Variants in CXorf65 observed in about 807,000 individuals in gnomAD.
CXorf65 encodes the protein uncharacterized protein CXorf65.
For missense variants in CXorf65, 137 were observed against 144.7 expected (o/e 0.95, Z 0.27); for synonymous variants, 54 against 51.4 (o/e 1.05, Z -0.21).
chrX:71,106,231 C>T, intron 2 of CXorf65, 94 bp from the exon 3 acceptor site: 1 of 1,111,020 alleles, frequency 9.0e-7, no homozygotes, highest in South Asian at 1.9e-5. Flanking sequence ...TTGGAGGAAG[C>T]TCTAAGGATA....
chrX:71,104,446 G>T, intron 4 of CXorf65, 42 bp from the exon 5 acceptor site: 4 of 904,346 alleles, frequency 4.4e-6, no homozygotes, highest in South Asian at 2.4e-5. Flanking sequence ...GAGAACTAGA[G>T]ACCTTACCCT....
chrX:71,104,781 G>T lies in CXorf65; in HGVS notation c.307C>A (p.Pro103Thr), dbSNP rs1268214222. The T allele has an allele frequency of 1.7e-6, 2 of 1,207,482 alleles. No individual in the cohort carries two copies. The highest frequency in any genetic ancestry group is 2.2e-6 in the Non-Finnish European group (2 of 893,855). ...AFVPLLKNPE[P>T]WLLVALRIQC... ...TCTCACTTCTTACCAAGCAGCCAAG[G>T]CTCCGGATTCTTGAGGAGAGGCACA... The change falls in exon 4 of 6, where the codon CCT becomes ACT. Residue 103 changes from proline to threonine, a missense_variant. Physicochemically the swap from Pro to Thr is conservative, Grantham distance 38. Coordinates refer to ENST00000374251, the MANE Select transcript of CXorf65 (RefSeq NM_001025265.3).
Position 71,106,135 on chromosome X carries a change from T to G in CXorf65, c.115A>C (p.Thr39Pro), listed in dbSNP as rs750827232. Reference protein sequence around the residue: ...RSKVKLPKTNTIDLCEQTGKM... With the variant: ...RSKVKLPKTNPIDLCEQTGKM... ...CCCGTTTGTTCACACAAATCGATGGTGTCTGGAGGGAGATCACAGGGTAAT... is the reference window on the plus strand; with the variant it reads ...CCCGTTTGTTCACACAAATCGATGGGGTCTGGAGGGAGATCACAGGGTAAT... Residue 39 changes from threonine (T) to proline (P), a missense_variant and splice_region_variant, in exon 3 of 6, where the codon ACC (threonine) becomes CCC (proline). Thr to Pro is a conservative substitution (Grantham distance 38). Transcript: ENST00000374251. The G allele has an allele frequency of 8.3e-7, 1 of 1,207,966 alleles. No individual in the cohort carries two copies. Among genetic ancestry groups the G allele is most frequent in the African/African-American group, 1.8e-5 (1 of 56,903 alleles).
rs747369921 is a variant in CXorf65, at chrX:71,104,449, C to G, written c.320-45G>C. ...ACCTGCACCTCTGAGAACTAGAGAC[C>G]TTACCCTTCCTGATGCTCCCATTCA... On this transcript the variant is annotated intron_variant, in intron 4 of 5. Transcript: ENST00000374251. 42 of 875,131 alleles carry G rather than the reference C, an allele frequency of 4.8e-5. 1 individual carries two copies. The highest frequency in any genetic ancestry group is 6.6e-5 in the Non-Finnish European group (41 of 623,885). 72.1% of individuals were successfully genotyped at this position (875,131 alleles called of 1,213,427 possible). A position where few individuals can be genotyped will look rare whatever the true frequency, so the allele number is the denominator to read the frequency against.
chrX:71,104,779 A>G lies in CXorf65; in HGVS notation c.309T>C (p.Pro103=). 8.3e-6 allele frequency: 10 copies of G among 1,209,989 alleles called. No individual in the cohort carries two copies. The highest frequency in any genetic ancestry group is 1.1e-5 in the Non-Finnish European group (10 of 894,323). Residue 103 remains proline (P), a synonymous_variant, in exon 4 of 6, where the codon CCT becomes CCC. Transcript: ENST00000374251. The part of the protein sequence containing the change: ...AFVPLLKNPE[P]WLLVALRIQC... The stretch of plus-strand genomic sequence containing the variant: ...CATCTCACTTCTTACCAAGCAGCCA[A>G]GGCTCCGGATTCTTGAGGAGAGGCA...
Position 71,104,046 on chromosome X carries a change from G to C in CXorf65, c.493C>G (p.Pro165Ala). ...CGACCTTTATTCTTCCTGAAGTCTG[G>C]TCTGTTCCTAAAGGTCGGAGACTTG... The part of the protein sequence containing the change: ...TRKSPTFRNR[P>A]DFRKNKGRQL... Residue 165 changes from proline (P) to alanine (A), a missense_variant, in exon 6 of 6, where the codon CCA becomes GCA. Physicochemically the swap from Pro to Ala is conservative, Grantham distance 27. Transcript: ENST00000374251. 8.3e-7 allele frequency: 1 copy of C among 1,208,573 alleles called. No homozygotes were observed. The highest frequency in any genetic ancestry group is 1.1e-6 in the Non-Finnish European group (1 of 893,080).
chrX:71,104,096 C>T lies in CXorf65; in HGVS notation c.443G>A (p.Arg148Gln), dbSNP rs147684109. The change falls in exon 6 of 6, where the codon CGA becomes CAA. Residue 148 changes from arginine (R) to glutamine (Q), a missense_variant. By Grantham distance (43) the Arg-to-Gln change is conservative. Transcript: ENST00000374251. ...PASVPSKQSG[R>Q]SDKKKSTRKS... Reference sequence around the variant, plus strand: ...GCGAGTGGACTTCTTTTTGTCTGATCGTCCTGATTGCTTGGACTAGAAAAA... The same window carrying T: ...GCGAGTGGACTTCTTTTTGTCTGATTGTCCTGATTGCTTGGACTAGAAAAA... 25 of 1,207,724 alleles carry T rather than the reference C, an allele frequency of 2.1e-5. No individual in the cohort carries two copies. The African/African-American group carries it at 2.3e-4, about 11-fold the overall frequency.
rs781132879 is a variant in CXorf65, at chrX:71,104,077, G to A, written c.462C>T (p.Ser154=). 1.4e-4 allele frequency: 174 copies of A among 1,207,548 alleles called. No homozygotes were observed. Among genetic ancestry groups the A allele is most frequent in the Non-Finnish European group, 1.9e-4 (172 of 894,165 alleles). The change falls in exon 6 of 6, where the codon TCC becomes TCT. Residue 154 remains serine (S), a synonymous_variant. Coordinates refer to ENST00000374251, the MANE Select transcript of CXorf65 (RefSeq NM_001025265.3). ...TCCTAAAGGTCGGAGACTTGCGAGT[G>A]GACTTCTTTTTGTCTGATCGTCCTG... is the stretch of plus-strand genomic sequence containing the variant. ...KQSGRSDKKK[S]TRKSPTFRNR...
chrX:71,103,896 A>G lies in CXorf65; in HGVS notation c.*91T>C, dbSNP rs1304123799. 3 of 1,009,388 alleles carry G rather than the reference A, an allele frequency of 3.0e-6. No individual in the cohort carries two copies. The highest frequency in any genetic ancestry group is 2.8e-6 in the Non-Finnish European group (2 of 720,140). The allele number at this position is 1,009,388 out of a possible 1,213,427, so 83.2% of individuals were successfully genotyped here. A position where few individuals can be genotyped will look rare whatever the true frequency, so the allele number is the denominator to read the frequency against. Reference sequence around the variant, plus strand: ...AGAGCCTCCTAGGTGCCTGGGGCGTATGTACTCAAGCCTTAGTGCAGATAT... The same window carrying G: ...AGAGCCTCCTAGGTGCCTGGGGCGTGTGTACTCAAGCCTTAGTGCAGATAT... On this transcript the variant is annotated 3_prime_UTR_variant, in exon 6 of 6. Coordinates refer to ENST00000374251, the MANE Select transcript of CXorf65 (RefSeq NM_001025265.3).
chrX:71,106,059 C>T lies in CXorf65; in HGVS notation c.191G>A (p.Ser64Asn). The T allele has an allele frequency of 8.3e-7, 1 of 1,210,763 alleles. No homozygotes were observed. Among genetic ancestry groups the T allele is most frequent in the Non-Finnish European group, 1.1e-6 (1 of 894,628 alleles). ...LMKPNHAEYA[S>N]KYLTARSTYY... The stretch of plus-strand genomic sequence containing the variant: ...GGTGCTTCGAGCTGTAAGGTATTTG[C>T]TGGCATACTCTGCATGATTGGGCTT... The change falls in exon 3 of 6, where the codon AGC becomes AAC. Residue 64 changes from serine (S) to asparagine (N), a missense_variant. Physicochemically the swap from Ser to Asn is conservative, Grantham distance 46. Transcript: ENST00000374251.
intron 3 of CXorf65, 137 bp from the exon 4 acceptor site, chrX:71,104,974 G>A (rs1569479423): frequency 2.8e-5 from 15 of 532,997 alleles, no homozygotes; most frequent in Non-Finnish European, 4.0e-5. Context: ...AGCATTTTGG[G>A]AGGCCAAGGT....
Position 71,104,367 on chromosome X carries a change from TCTC to T in CXorf65, c.354_356del (p.Arg120del). ...CTTTCATTTTAAGCATCTGAATTCG[TCTC>T]CTCTCCAGGGCATCACATTGTATGC... On this transcript the variant is annotated inframe_deletion, in exon 5 of 6. Coordinates refer to ENST00000374251, the MANE Select transcript of CXorf65 (RefSeq NM_001025265.3). 1.7e-6 allele frequency: 2 copies of T among 1,207,263 alleles called. No homozygotes were observed. Among genetic ancestry groups the T allele is most frequent in the Admixed American group, 4.4e-5 (2 of 45,712 alleles).
At chrX:71,104,737 C>G in intron 4 of CXorf65, 32 bp downstream of exon 4, 1 of 1,164,176 alleles carries the variant, frequency 8.6e-7, no homozygotes, top group Non-Finnish European at 1.2e-6. Context: ...CTGTACCCTT[C>G]ATGTTCTTCC....
chrX:71,104,381 C>T lies in CXorf65; in HGVS notation c.343G>A (p.Ala115Thr), dbSNP rs2092240998. 4 of 1,203,422 alleles carry T rather than the reference C, an allele frequency of 3.3e-6. No homozygotes were observed. Among genetic ancestry groups the T allele is most frequent in the Non-Finnish European group, 4.5e-6 (4 of 890,098 alleles). The stretch of plus-strand genomic sequence containing the variant: ...ATCTGAATTCGTCTCCTCTCCAGGG[C>T]ATCACATTGTATGCGCAGTGCAACT... ...LLVALRIQCDALERRRIQMLK... is the reference protein window; with the variant it reads ...LLVALRIQCDTLERRRIQMLK... Residue 115 changes from alanine to threonine, a missense_variant, in exon 5 of 6, where the codon GCC becomes ACC. Transcript: ENST00000374251.
At chrX:71,104,920 C>A in intron 3 of CXorf65, 83 bp from the exon 4 acceptor site, 1 of 907,086 alleles carries the variant, frequency 1.1e-6, no homozygotes, top group Non-Finnish European at 1.6e-6. Flanking sequence ...GGACCTAACA[C>A]TAAAGACTAC....
Position 71,104,060 on chromosome X carries a change from G to T in CXorf65, c.479C>A (p.Thr160Asn), listed in dbSNP as rs752395819. 1 of 1,209,049 alleles carries T rather than the reference G, an allele frequency of 8.3e-7. No homozygotes were observed. Among genetic ancestry groups the T allele is most frequent in the Non-Finnish European group, 1.1e-6 (1 of 893,504 alleles). Residue 160 changes from threonine to asparagine, a missense_variant, in exon 6 of 6, where the codon ACC (threonine) becomes AAC (asparagine). By Grantham distance (65) the Thr-to-Asn change is moderately conservative (BLOSUM62 0). Transcript: ENST00000374251. ...DKKKSTRKSP[T>N]FRNRPDFRKN... ...CCTGAAGTCTGGTCTGTTCCTAAAG[G>T]TCGGAGACTTGCGAGTGGACTTCTT...
intron 3 of CXorf65, among the ~76,000 whole-genome samples, chrX:71,105,139 G>A (rs1427283963): frequency 2.7e-5 from 3 of 111,595 alleles, no homozygotes; most frequent in Admixed American, 9.5e-5. Context: ...CAGCTACTCC[G>A]GAGGCTGAGG....
chrX:71,106,085 C>A lies in CXorf65; in HGVS notation c.165G>T (p.Met55Ile), dbSNP rs770644340. The A allele has an allele frequency of 3.2e-5, 39 of 1,209,038 alleles. No homozygotes were observed. The highest frequency in any genetic ancestry group is 4.2e-5 in the Non-Finnish European group (38 of 894,475). The change falls in exon 3 of 6, where the codon ATG becomes ATT. Residue 55 changes from methionine (M) to isoleucine (I), a missense_variant. Met to Ile is a conservative substitution (Grantham distance 10, BLOSUM62 1). Coordinates refer to ENST00000374251, the MANE Select transcript of CXorf65 (RefSeq NM_001025265.3). ...QTGKMKMLFLMKPNHAEYASK... is the reference protein window; with the variant it reads ...QTGKMKMLFLIKPNHAEYASK... ...TGGCATACTCTGCATGATTGGGCTT[C>A]ATCAGGAAAAGCATCTTCATTTTCC...
Position 71,106,372 on chromosome X carries a change from T to A in CXorf65, c.80A>T (p.Tyr27Phe). The part of the protein sequence containing the change: ...TNCAVVVLLY[Y>F]IRSKVKLPKT... The stretch of plus-strand genomic sequence containing the variant: ...AGGCAACTTTACTTTACTGCGGATG[T>A]AATACAGCAACACGACGACAGCACA... Residue 27 changes from tyrosine (Y) to phenylalanine (F), a missense_variant, in exon 2 of 6, where the codon TAC becomes TTC. Physicochemically the swap from Tyr to Phe is conservative, Grantham distance 22. Transcript: ENST00000374251. 8.3e-7 allele frequency: 1 copy of A among 1,210,658 alleles called. No homozygotes were observed. The highest frequency in any genetic ancestry group is 2.2e-5 in the Admixed American group (1 of 46,011).
Sources: gnomAD v4.1 joint callset for allele counts (sites outside exome capture counted in the v4.1 genomes callset) on GRCh38, gnomAD v4.1.1 for gene constraint, MANE v1.5 for transcripts, NCBI Gene and HGNC (gene_info 2026-07-23, HGNC 2026-07-21) for gene names.